ITGB5: variants seen among roughly 807,000 people sequenced by gnomAD.
ITGB5 encodes the protein integrin subunit beta 5, also known as integrin beta-5.
A neutral mutation model predicts 84.8 loss-of-function variants in ITGB5; 38 were observed. The ratio of observed to expected loss-of-function variants is 0.45; its 90% CI spans 0.35 to 0.59. The LOEUF is 0.59. Among genes scored for constraint, ITGB5 ranks in the 20% least tolerant of loss-of-function variants. The pLI is 0.01. For synonymous variants in ITGB5, 393 were observed against 414.4 expected, an observed-to-expected ratio of 0.95 and a Z score of 0.63; for missense variants, 905 against 1,034.5, an observed-to-expected ratio of 0.87 and a Z score of 1.72.
chr3:124,848,315 C>A lies in ITGB5; in HGVS notation c.605G>T (p.Cys202Phe). 1.9e-6 allele frequency: 3 copies of A among 1,614,064 alleles called. No homozygotes were observed. The highest frequency in any genetic ancestry group is 2.5e-6 in the Non-Finnish European group (3 of 1,179,930). Residue 202 changes from cysteine (C) to phenylalanine (F), a missense_variant, in exon 4 of 15, where the codon TGC (cysteine) becomes TTC (phenylalanine). Cys to Phe is a radical substitution (Grantham distance 205). Around this residue, in one of 3 missense-constraint regions of ITGB5, gnomAD observed 656 missense variants for 734.7 expected, o/e 0.89. Transcript: ENST00000296181. The stretch of plus-strand genomic sequence containing the variant: ...AGGGCAACTGGTCACTTACCCAATG[C>A]ACGGATTGGTCTGGTACCTCGGTGC... ...YTAPRYQTNP[C>F]IGYKLFPNCV...
At chr3:124,780,882 G>A (rs3772828) in intron 10 of ITGB5, among the ~76,000 whole-genome samples, 11,329 of 152,126 alleles carry the variant, frequency 0.074, 1,064 homozygotes, top group African/African-American at 0.22. Flanking sequence ...ACACATGGGA[G>A]GTAATTTCCC....
At chr3:124,870,149 T>C (rs1309495329) in intron 2 of ITGB5, among the ~76,000 whole-genome samples, 2 of 152,250 alleles carry the variant, frequency 1.3e-5, no homozygotes, top group African/African-American at 4.8e-5. Flanking sequence ...AGTACTCTTA[T>C]ATCAAATACA....
At chr3:124,824,205 G>A (rs1309529171) in intron 5 of ITGB5, among the ~76,000 whole-genome samples, 1 of 152,194 alleles carries the variant, frequency 6.6e-6, no homozygotes, top group Non-Finnish European at 1.5e-5. Flanking sequence ...AGTAATCAAG[G>A]CTATGGTCAT....
intron 8 of ITGB5, among the ~76,000 whole-genome samples, chr3:124,815,838 C>G (rs2064582371): frequency 6.6e-6 from 1 of 152,190 alleles, no homozygotes; most frequent in African/African-American, 2.4e-5. Context: ...CCCCCTCTTC[C>G]TGAAGTGTAA....
chr3:124,766,059 C>CAAAAAA (rs376914121), intron 13 of ITGB5, among the ~76,000 whole-genome samples, 167 bp downstream of exon 13: 4 of 104,446 alleles, frequency 3.8e-5, no homozygotes, highest in Non-Finnish European at 4.2e-5. Context: ...CAGCCTGTGT[C>CAAAAAA]AAAAAAAAAA....
At chr3:124,805,075 C>T (rs897825663) in intron 9 of ITGB5, among the ~76,000 whole-genome samples, 3 of 138,576 alleles carry the variant, frequency 2.2e-5, no homozygotes, top group African/African-American at 7.9e-5. Flanking sequence ...CCCTGCCCTT[C>T]CTTTCCGTTT....
intron 10 of ITGB5, among the ~76,000 whole-genome samples, chr3:124,779,559 T>C (rs1253622824): frequency 1.3e-5 from 2 of 152,046 alleles, no homozygotes; most frequent in African/African-American, 4.8e-5. Flanking sequence ...AGCTGGGCTA[T>C]GAAGAACCAC....
Position 124,798,098 on chromosome 3 carries a change from G to A in ITGB5, c.1264-1281C>T, listed in dbSNP as rs150451629. On this transcript the variant is annotated intron_variant, in intron 9 of 14. Coordinates refer to ENST00000296181, the MANE Select transcript of ITGB5 (RefSeq NM_002213.5). ...AGGTGGAGTCTCGCTCTGTTGCCAG[G>A]CTGGAGTGCGGTGGCATGCACTCAG... Among the ~76,000 whole-genome samples the A allele has an allele frequency of 6.8e-3, 909 of 133,334 alleles. 10 individuals are homozygous for A. The highest frequency in any genetic ancestry group is 0.024 in the African/African-American group (819 of 33,688). The allele number at this position is 133,334 out of a possible 152,430, so 87.5% of individuals were successfully genotyped here.
chr3:124,815,241 G>A (rs1196284909), intron 8 of ITGB5, among the ~76,000 whole-genome samples: 1 of 152,194 alleles, frequency 6.6e-6, no homozygotes, highest in Non-Finnish European at 1.5e-5. Flanking sequence ...TGCCTTCCCT[G>A]CTGCTGCAAG....
intron 5 of ITGB5, among the ~76,000 whole-genome samples, chr3:124,839,619 A>AT (rs1487031981): frequency 6.6e-6 from 1 of 152,112 alleles, no homozygotes; most frequent in African/African-American, 2.4e-5. Flanking sequence ...TCTCTGCACT[A>AT]TTTTTTTCCC....
At chr3:124,876,469 C>T (rs1385993122) in intron 1 of ITGB5, among the ~76,000 whole-genome samples, 3 of 152,004 alleles carry the variant, frequency 2.0e-5, no homozygotes, top group Non-Finnish European at 1.5e-5. Flanking sequence ...AAATCGCAAA[C>T]GGCAAAACTG....
At chr3:124,772,711 CAGG>C (rs1403131205) in intron 11 of ITGB5, among the ~76,000 whole-genome samples, 2 of 152,284 alleles carry the variant, frequency 1.3e-5, no homozygotes, top group East Asian at 3.9e-4. Context: ...CGGGGCTGAG[CAGG>C]AGGAGGTCAG....
chr3:124,773,466 T>C (rs1297370949), intron 11 of ITGB5, among the ~76,000 whole-genome samples: 1 of 152,244 alleles, frequency 6.6e-6, no homozygotes, highest in East Asian at 1.9e-4. Flanking sequence ...CAGTTTTGTA[T>C]TTCTTGTTCT....
intron 10 of ITGB5, chr3:124,791,041 A>G (rs1039047256): frequency 1.3e-5 from 2 of 152,218 alleles, no homozygotes; most frequent in Non-Finnish European, 2.9e-5. Context: ...GACCTCAGCA[A>G]TGTACCACAA....
At chr3:124,888,940 T>C (rs61760560), upstream of ITGB5, among the ~76,000 whole-genome samples, 3,480 of 152,296 alleles carry the variant, frequency 0.023, 124 homozygotes, top group African/African-American at 0.079. Context: ...CAATATAGTG[T>C]GCCTGGGGGC....
At position 124,796,388 on chromosome 3, in the gene ITGB5, C is replaced by G; in HGVS notation, c.1693G>C (p.Gly565Arg). 6 of 1,603,296 alleles carry G rather than the reference C, an allele frequency of 3.7e-6. No individual in the cohort carries two copies. The highest frequency in any genetic ancestry group is 4.3e-6 in the Non-Finnish European group (5 of 1,173,122). ...TAAAGTGCTTGCTGGGGACACTTAC[C>G]TGAGCAGAGGACTCCCTTGTTCCTG... ...CARNKGVLCS[G>R]HGECHCGECK... The change falls in exon 10 of 15, where the codon GGC (glycine) becomes CGC (arginine). Residue 565 changes from glycine (G) to arginine (R), a missense_variant and splice_region_variant. Gly to Arg is a moderately radical substitution (Grantham distance 125). This residue lies in a region of ITGB5 where 656 missense variants were observed against 734.7 expected (regional missense o/e 0.89). Transcript: ENST00000296181.
At chr3:124,846,426 A>G (rs1410360663) in intron 4 of ITGB5, among the ~76,000 whole-genome samples, 2 of 138,224 alleles carry the variant, frequency 1.4e-5, no homozygotes, top group Non-Finnish European at 3.1e-5. Flanking sequence ...TTGCACAAGC[A>G]AAAAAAAAAA....
At chr3:124,795,776 G>T (rs924768163) in intron 10 of ITGB5, among the ~76,000 whole-genome samples, 2 of 152,142 alleles carry the variant, frequency 1.3e-5, no homozygotes, top group Non-Finnish European at 2.9e-5. Context: ...ATGGAAGAAG[G>T]AGCTGCAAGC....
chr3:124,888,030 C>A (rs541193686), upstream of ITGB5, among the ~76,000 whole-genome samples: 11 of 151,858 alleles, frequency 7.2e-5, no homozygotes, highest in South Asian at 2.3e-3. Context: ...GTTCCTCCAC[C>A]TTAGCCTCCT....
Sources: allele counts gnomAD v4.1 joint callset (sites outside exome capture counted in the v4.1 genomes callset), GRCh38; gene constraint gnomAD v4.1.1; regional missense constraint gnomAD v4.1.1; transcripts MANE v1.5; gene names NCBI Gene and HGNC (gene_info 2026-07-23, HGNC 2026-07-21).